CYP20A1: variants seen among roughly 807,000 people sequenced by gnomAD.
The protein encoded by CYP20A1 is cytochrome P450 20A1.
A neutral mutation model predicts 61.4 loss-of-function variants in CYP20A1; 61 were observed. The observed-to-expected ratio is 0.99, with a 90% confidence interval of 0.81 to 1.23. CYP20A1 has a LOEUF of 1.23. Ranked by LOEUF, CYP20A1 falls within the 50% of genes most tolerant of loss-of-function variation. The pLI is 0.00. For synonymous variants in CYP20A1, 193 were observed against 188.2 expected, an observed-to-expected ratio of 1.03 and a Z score of -0.21; for missense variants, 530 against 542.4, an observed-to-expected ratio of 0.98 and a Z score of 0.23.
intron 8 of CYP20A1, among the ~76,000 whole-genome samples, chr2:203,283,211 ATTTTTT>A (rs371972851): frequency 7.2e-5 from 6 of 83,514 alleles, no homozygotes; most frequent in South Asian, 5.3e-4. Flanking sequence ...CAATGTGAGA[ATTTTTT>A]TTTTTTTTTT....
intron 7 of CYP20A1, among the ~76,000 whole-genome samples, chr2:203,279,111 C>T (rs373638386): frequency 6.6e-6 from 1 of 151,962 alleles, no homozygotes; most frequent in African/African-American, 2.4e-5. Context: ...ACTACAGACG[C>T]GCACCACCAC....
At chr2:203,282,187 G>C (rs2068070498) in intron 8 of CYP20A1, among the ~76,000 whole-genome samples, 1 of 151,924 alleles carries the variant, frequency 6.6e-6, no homozygotes, top group South Asian at 2.1e-4. Flanking sequence ...ACAGGCGCCT[G>C]CAACTATGCT....
intron 8 of CYP20A1, among the ~76,000 whole-genome samples, chr2:203,285,212 C>T (rs959766539): frequency 1.3e-5 from 2 of 152,088 alleles, no homozygotes; most frequent in Non-Finnish European, 2.9e-5. Flanking sequence ...CATTAGTGCT[C>T]CTAAGTGAAC....
Position 203,286,317 on chromosome 2 carries a change from G to A in CYP20A1, c.971+585G>A, listed in dbSNP as rs756181778. Among the ~76,000 whole-genome samples, 78 of 152,090 alleles carry A rather than the reference G, an allele frequency of 5.1e-4. 1 individual carries two copies. The highest frequency in any genetic ancestry group is 1.1e-3 in the Non-Finnish European group (72 of 67,990). On this transcript the variant is annotated intron_variant, in intron 9 of 12. Transcript: ENST00000356079. ...AAAACAATAGAAAACAATATGATAG[G>A]CTCTTAAAAAGTTCAACATACACTT...
Position 203,239,062 on chromosome 2 carries a change from C to T in CYP20A1, c.-1C>T. On this transcript the variant is annotated 5_prime_UTR_variant, in exon 1 of 13. Coordinates refer to ENST00000356079, the MANE Select transcript of CYP20A1 (RefSeq NM_177538.3). ...GACGTGGCTCCCTGGGCGGCAGAAC[C>T]ATGTTGGACTTCGCGATCTTCGCCG... 2.5e-6 allele frequency: 4 copies of T among 1,613,594 alleles called. No homozygotes were observed. The highest frequency in any genetic ancestry group is 3.4e-6 in the Non-Finnish European group (4 of 1,179,742).
chr2:203,239,234 G>C, intron 1 of CYP20A1, 100 bp downstream of exon 1: 2 of 1,031,960 alleles, frequency 1.9e-6, no homozygotes, highest in South Asian at 1.3e-5. Context: ...CAGGGGGCGG[G>C]CCTGAGAGGA....
At chr2:203,272,603 A>C in intron 5 of CYP20A1, 67 bp from the exon 6 acceptor site, 2 of 901,436 alleles carry the variant, frequency 2.2e-6, no homozygotes, top group Non-Finnish European at 3.3e-6. Context: ...ATTAGGTTAC[A>C]TTGCTCTGTA....
At chr2:203,294,242 G>A (rs769098749) in intron 11 of CYP20A1, among the ~76,000 whole-genome samples, 8 of 151,600 alleles carry the variant, frequency 5.3e-5, no homozygotes, top group Non-Finnish European at 1.0e-4. Context: ...TAAGCAAGAC[G>A]CCAACTATGA....
chr2:203,244,288 G>A (rs1472567544), intron 1 of CYP20A1, among the ~76,000 whole-genome samples: 1 of 151,870 alleles, frequency 6.6e-6, no homozygotes, highest in African/African-American at 2.4e-5. Context: ...TGCAACCTCC[G>A]CCTCCCAAGT....
intron 9 of CYP20A1, among the ~76,000 whole-genome samples, chr2:203,287,125 A>C (rs925978968): frequency 1.4e-5 from 2 of 147,488 alleles, no homozygotes; most frequent in Non-Finnish European, 3.0e-5. Context: ...AGGCTGATAT[A>C]GGAGAATCAC....
intron 5 of CYP20A1, among the ~76,000 whole-genome samples, chr2:203,270,876 T>C (rs1053144555): frequency 1.6e-4 from 23 of 148,128 alleles, no homozygotes; most frequent in Non-Finnish European, 3.3e-4. Flanking sequence ...GCTAATTTTT[T>C]GTATTTTTTG....
At chr2:203,247,219 CCACTGTA>C (rs2066492054) in intron 3 of CYP20A1, among the ~76,000 whole-genome samples, 1 of 151,936 alleles carries the variant, frequency 6.6e-6, no homozygotes, top group Non-Finnish European at 1.5e-5. Flanking sequence ...CAAGATTGTG[CCACTGTA>C]CTCCAGCCTG....
rs956595304 is a variant in CYP20A1, at chr2:203,299,350, G to C, written c.*2442G>C. 1.5e-4 allele frequency among the ~76,000 whole-genome samples: 23 copies of C among 151,928 alleles called. No homozygotes were observed. Among genetic ancestry groups the C allele is most frequent in the Admixed American group, 3.3e-4 (5 of 15,224 alleles). On this transcript the variant is annotated 3_prime_UTR_variant, in exon 13 of 13. Coordinates refer to ENST00000356079, the MANE Select transcript of CYP20A1 (RefSeq NM_177538.3). The stretch of plus-strand genomic sequence containing the variant: ...AGGCGGGAGGATCACTTGAGCCCAG[G>C]AGTTGGAGGCTTCAGTGAGCTGTGA...
At chr2:203,251,429 A>T (rs1355071337) in intron 3 of CYP20A1, among the ~76,000 whole-genome samples, 2 of 151,846 alleles carry the variant, frequency 1.3e-5, no homozygotes, top group Middle Eastern at 3.2e-3. Context: ...CCCAGTCAGG[A>T]TATTGTGTTC....
chr2:203,283,203 A>G lies in CYP20A1; in HGVS notation c.851-2409A>G, dbSNP rs2068114014. On this transcript the variant is annotated intron_variant, in intron 8 of 12. Transcript: ENST00000356079. The stretch of plus-strand genomic sequence containing the variant: ...AAAAAAACCCACAAACCAAAAGTCA[A>G]TGTGAGAATTTTTTTTTTTTTTTTT... 4.4e-5 allele frequency among the ~76,000 whole-genome samples: 6 copies of G among 136,386 alleles called. No homozygotes were observed. In the South Asian group the frequency reaches 1.2e-3, roughly 28 times the overall value. The allele number at this position is 136,386 out of a possible 152,430, so 89.5% of individuals were successfully genotyped here. A position where few individuals can be genotyped will look rare whatever the true frequency, so the allele number is the denominator to read the frequency against.
intron 5 of CYP20A1, 59 bp from the exon 6 acceptor site, chr2:203,272,611 G>T: frequency 5.5e-6 from 5 of 903,976 alleles, no homozygotes; most frequent in Admixed American, 2.6e-5. Context: ...ACATTGCTCT[G>T]TATTATTTTT....
At position 203,298,659 on chromosome 2, in the gene CYP20A1, C is replaced by G. The variant is rs1575290367; in HGVS notation, c.*1751C>G. ...GAGGTTGCAGTGAGCCAAGATCGCA[C>G]CACTGCACTCCAGCCTGGGTGTCGA... On this transcript the variant is annotated 3_prime_UTR_variant, in exon 13 of 13. Coordinates refer to ENST00000356079, the MANE Select transcript of CYP20A1 (RefSeq NM_177538.3). Among the ~76,000 whole-genome samples, 1 of 149,672 alleles carries G rather than the reference C, an allele frequency of 6.7e-6. No individual in the cohort carries two copies. The highest frequency in any genetic ancestry group is 6.7e-5 in the Admixed American group (1 of 14,972).
intron 4 of CYP20A1, among the ~76,000 whole-genome samples, chr2:203,264,713 TTA>T (rs2067258823): frequency 4.9e-5 from 1 of 20,572 alleles, no homozygotes; most frequent in Non-Finnish European, 2.1e-4. Flanking sequence ...TTTTATACTT[TTA>T]TATTTTTTTT....
intron 3 of CYP20A1, among the ~76,000 whole-genome samples, chr2:203,249,631 G>A (rs537297015): frequency 6.6e-6 from 1 of 152,216 alleles, no homozygotes; most frequent in East Asian, 1.9e-4. Context: ...GATCACCTGA[G>A]GTCAGGAGTT....
Sources: allele counts gnomAD v4.1 joint callset (sites outside exome capture counted in the v4.1 genomes callset), GRCh38; gene constraint gnomAD v4.1.1; transcripts MANE v1.5; gene names NCBI Gene and HGNC (gene_info 2026-07-23, HGNC 2026-07-21).